The following NRXN1 variants were observed in gnomAD, a reference collection of about 807,000 sequenced individuals.
The protein encoded by NRXN1 is neurexin 1.
NRXN1 carries 39 observed loss-of-function variants against 150.9 expected under a neutral mutation model. That is an observed-to-expected ratio of 0.26 (90% CI 0.20 to 0.34). The LOEUF is 0.34. NRXN1 is among the 10% of genes least tolerant of loss of function. The pLI, the probability that NRXN1 is intolerant of heterozygous loss-of-function variation, is 1.00. For synonymous variants in NRXN1, 924 were observed against 757.0 expected (o/e 1.22, Z -3.62); for missense variants, 1,815 against 1,949.9 (o/e 0.93, Z 1.30).
chr2:49,942,600 ATT>A (rs1672181318), intron 22 of NRXN1, among the ~76,000 whole-genome samples: 1 of 140,824 alleles, frequency 7.1e-6, no homozygotes, highest in Admixed American at 7.4e-5. Flanking sequence ...TATTATTATT[ATT>A]ATTATTATTA....
intron 17 of NRXN1, among the ~76,000 whole-genome samples, chr2:50,327,460 C>T (rs2076460326): frequency 6.6e-6 from 1 of 152,132 alleles, no homozygotes; most frequent in Admixed American, 6.6e-5. Flanking sequence ...GTAGTAAACA[C>T]ATGTGGGTAT....
chr2:50,857,859 A>G (rs542955700), intron 5 of NRXN1, among the ~76,000 whole-genome samples: 5 of 152,266 alleles, frequency 3.3e-5, no homozygotes, highest in Non-Finnish European at 5.9e-5. Flanking sequence ...ACCAAAGCCT[A>G]GCAACCATCT....
At chr2:50,854,677 T>C (rs1189727168) in intron 5 of NRXN1, among the ~76,000 whole-genome samples, 1 of 152,068 alleles carries the variant, frequency 6.6e-6, no homozygotes, top group Admixed American at 6.6e-5. Context: ...CAAATCTTAC[T>C]TGGCCCAACT....
At chr2:51,011,242 A>G (rs1463830457) in intron 2 of NRXN1, among the ~76,000 whole-genome samples, 1 of 151,962 alleles carries the variant, frequency 6.6e-6, no homozygotes, top group Non-Finnish European at 1.5e-5. Flanking sequence ...CATTACCGAC[A>G]ATATTCTCTT....
chr2:50,979,963 A>T (rs2104871810), intron 2 of NRXN1, among the ~76,000 whole-genome samples: 1 of 152,280 alleles, frequency 6.6e-6, no homozygotes, highest in South Asian at 2.1e-4. Flanking sequence ...TGTTCTCTAT[A>T]AATAATATAA....
At chr2:49,962,922 A>T (rs1676249744) in intron 21 of NRXN1, among the ~76,000 whole-genome samples, 2 of 152,010 alleles carry the variant, frequency 1.3e-5, no homozygotes, top group South Asian at 4.2e-4. Flanking sequence ...AACTGCACTC[A>T]GCCTGGGCAA....
At chr2:50,627,585 G>A (rs1681378763) in intron 5 of NRXN1, among the ~76,000 whole-genome samples, 1 of 146,186 alleles carries the variant, frequency 6.8e-6, no homozygotes, top group Admixed American at 7.0e-5. Context: ...AATTTAGAGA[G>A]GCAATCTATG....
intron 18 of NRXN1, among the ~76,000 whole-genome samples, chr2:50,206,833 A>G (rs186866276): frequency 2.5e-4 from 38 of 150,760 alleles, no homozygotes; most frequent in African/African-American, 8.3e-4. Flanking sequence ...TTTATTATGA[A>G]TTACACAAAC....
intron 18 of NRXN1, among the ~76,000 whole-genome samples, chr2:50,134,244 T>G (rs1178299390): frequency 7.7e-6 from 1 of 129,498 alleles, no homozygotes; most frequent in East Asian, 2.2e-4. Context: ...TGTTGAGGTA[T>G]AGCTGCCAAA....
At chr2:50,354,550 CATACAT>C (rs1389634629) in intron 17 of NRXN1, among the ~76,000 whole-genome samples, 826 of 66,236 alleles carry the variant, frequency 0.012, 9 homozygotes, top group Non-Finnish European at 0.016. Flanking sequence ...GTCTAGAGTG[CATACAT>C]ATATATATAT....
intron 17 of NRXN1, among the ~76,000 whole-genome samples, chr2:50,411,372 G>A (rs1276069240): frequency 1.3e-5 from 2 of 151,936 alleles, no homozygotes; most frequent in African/African-American, 4.8e-5. Context: ...ATCTCGGCTC[G>A]CTACAACCTC....
chr2:50,519,839 A>G (rs1351742522), intron 12 of NRXN1, among the ~76,000 whole-genome samples: 2 of 151,916 alleles, frequency 1.3e-5, no homozygotes, highest in East Asian at 1.9e-4. Context: ...ATTGGTAGAC[A>G]TATTTTTCCT....
chr2:50,734,912 A>C (rs1438140807), intron 5 of NRXN1, among the ~76,000 whole-genome samples: 1 of 152,198 alleles, frequency 6.6e-6, no homozygotes, highest in African/African-American at 2.4e-5. Flanking sequence ...ACGAACAACA[A>C]GTAGTTGAAA....
chr2:50,513,009 AT>A (rs2092509573), intron 12 of NRXN1, among the ~76,000 whole-genome samples: 1 of 152,140 alleles, frequency 6.6e-6, no homozygotes, highest in African/African-American at 2.4e-5. Flanking sequence ...ATAAACTTGG[AT>A]TTGAAAGCAG....
chr2:50,711,506 A>G (rs1353923355), intron 5 of NRXN1, among the ~76,000 whole-genome samples: 1 of 151,262 alleles, frequency 6.6e-6, no homozygotes, highest in Non-Finnish European at 1.5e-5. Flanking sequence ...TGACTAATTT[A>G]TGTATTTTTA....
intron 9 of NRXN1, among the ~76,000 whole-genome samples, chr2:50,542,647 T>C (rs572613667): frequency 1.3e-5 from 2 of 152,348 alleles, no homozygotes; most frequent in African/African-American, 4.8e-5. Flanking sequence ...CAATTATTTT[T>C]ATATTTTGAA....
chr2:49,938,922 G>A (rs1165812492), intron 22 of NRXN1, among the ~76,000 whole-genome samples: 1 of 152,122 alleles, frequency 6.6e-6, no homozygotes, highest in African/African-American at 2.4e-5. Context: ...ATACTGACAT[G>A]ATTAAAGACC....
chr2:50,521,340 G>A (rs1029986193), intron 12 of NRXN1, among the ~76,000 whole-genome samples: 1 of 152,112 alleles, frequency 6.6e-6, no homozygotes, highest in African/African-American at 2.4e-5. Flanking sequence ...GATATCCTGG[G>A]AAGTGCAGTT....
chr2:51,004,247 G>A (rs548177502), intron 2 of NRXN1, among the ~76,000 whole-genome samples: 2 of 152,010 alleles, frequency 1.3e-5, no homozygotes, highest in South Asian at 4.1e-4. Flanking sequence ...AGGGCAACCT[G>A]AATAAACAGA....
Sources: allele counts gnomAD v4.1 joint callset (sites outside exome capture counted in the v4.1 genomes callset), GRCh38; gene constraint gnomAD v4.1.1; transcripts MANE v1.5; gene names NCBI Gene and HGNC (gene_info 2026-07-23, HGNC 2026-07-21).